Variants in TUBA8 observed in about 807,000 individuals in gnomAD.
The protein encoded by TUBA8 is tubulin alpha 8.
TUBA8 carries 29 observed loss-of-function variants against 34.7 expected under a neutral mutation model. That is an observed-to-expected ratio of 0.84 (90% confidence interval 0.62 to 1.14). The LOEUF (loss-of-function observed/expected upper bound fraction) is 1.14. Among genes scored for constraint, TUBA8 ranks in the 50% most tolerant of loss-of-function variants. TUBA8 has a pLI of 0.00. For synonymous variants in TUBA8, 226 were observed against 231.2 expected (o/e 0.98, Z 0.21); for missense variants, 541 against 599.2 (o/e 0.90, Z 1.01).
chr22:18,117,037 G>C (rs1341504086), intron 1 of TUBA8: 3 of 152,180 alleles, frequency 2.0e-5, no homozygotes, highest in African/African-American at 7.2e-5. Context: ...CAGGATAAGG[G>C]GGTTCTGGAG....
rs773102839 is a variant in TUBA8, at chr22:18,126,499, C to A, written c.521C>A (p.Ala174Asp). 1 of 1,613,968 alleles carries A rather than the reference C, an allele frequency of 6.2e-7. No individual in the cohort carries two copies. The highest frequency in any genetic ancestry group is 1.3e-5 in the African/African-American group (1 of 74,902). Reference protein sequence around the residue: ...KSKLEFAIYPAPQVSTAVVEP... With the variant: ...KSKLEFAIYPDPQVSTAVVEP... The stretch of plus-strand genomic sequence containing the variant: ...AAGCTGGAGTTTGCCATCTACCCAG[C>A]CCCCCAGGTCTCTACTGCAGTGGTG... The change falls in exon 4 of 5, where the codon GCC becomes GAC. Residue 174 changes from alanine to aspartate, a missense_variant. Transcript: ENST00000330423. The surrounding 1 kb of genome is among the most constrained non-coding windows in gnomAD (Gnocchi z 4.0).
intron 4 of TUBA8, chr22:18,128,312 C>G (rs1187888733): frequency 6.6e-6 from 1 of 152,146 alleles, no homozygotes; most frequent in Non-Finnish European, 1.5e-5. Flanking sequence ...ATGCCAGGCT[C>G]AGAGAGTCAG....
intron 1 of TUBA8, chr22:18,117,804 A>T (rs933050808): frequency 2.6e-5 from 4 of 151,180 alleles, no homozygotes; most frequent in South Asian, 2.1e-4. Flanking sequence ...GAAAGTAAAT[A>T]AAAAAAATTA....
In TUBA8 at chr22:18,118,471, G is replaced by T. The variant is rs1226563576; in HGVS notation, c.4-3008G>T. 1.3e-5 allele frequency: 2 copies of T among 152,192 alleles called. No homozygotes were observed. The highest frequency in any genetic ancestry group is 4.8e-5 in the African/African-American group (2 of 41,444). The allele number at this position is 152,192 out of a possible 1,614,324, so 9.4% of individuals were successfully genotyped here. A position where few individuals can be genotyped will look rare whatever the true frequency, so the allele number is the denominator to read the frequency against. ...ATCTTAGGCAGCAGGAGCCTCTTCA[G>T]GTGCTTGGGCAGCCCCTTGGTTAGC... On this transcript the variant is annotated intron_variant, in intron 1 of 4. Coordinates refer to ENST00000330423, the MANE Select transcript of TUBA8 (RefSeq NM_018943.3). This position sits in a 1 kb window ranked among gnomAD's most constrained non-coding sequence, Gnocchi z 4.0.
At chr22:18,123,794 T>G in intron 2 of TUBA8, 1 of 315,810 alleles carries the variant, frequency 3.2e-6, no homozygotes, top group South Asian at 3.0e-5. Flanking sequence ...AGGCTGGTCT[T>G]GAACTCCTAA....
chr22:18,130,050 C>T (rs924239488), intron 4 of TUBA8: 1 of 152,146 alleles, frequency 6.6e-6, no homozygotes, highest in African/African-American at 2.4e-5. Context: ...TCTAAGAAGC[C>T]CCAATTCCCA....
intron 4 of TUBA8, chr22:18,130,600 T>G: frequency 1.8e-6 from 1 of 568,442 alleles, no homozygotes. Context: ...ATTTTTTTTT[T>G]TTTTTTGGTA....
In TUBA8 at chr22:18,121,740, C is replaced by G. The variant is rs183437214; in HGVS notation, c.226+39C>G. Reference sequence around the variant, plus strand: ...GAGTTCCCCTCCACAGAGAACATCTCGAAACTGCAGAGGCATTGGCCCACA... The same window carrying G: ...GAGTTCCCCTCCACAGAGAACATCTGGAAACTGCAGAGGCATTGGCCCACA... On this transcript the variant is annotated intron_variant, in intron 2 of 4. Coordinates refer to ENST00000330423, the MANE Select transcript of TUBA8 (RefSeq NM_018943.3). This position sits in a 1 kb window ranked among gnomAD's most constrained non-coding sequence, Gnocchi z 4.8. 2.5e-6 allele frequency: 4 copies of G among 1,591,480 alleles called. No homozygotes were observed. The African/African-American group carries it at 4.0e-5, about 16-fold the overall frequency.
In TUBA8 at chr22:18,124,279, TG is replaced by T. The variant is rs747639699; in HGVS notation, c.352del (p.Val118CysfsTer8). The T allele has an allele frequency of 4.3e-6, 7 of 1,614,028 alleles. No individual in the cohort carries two copies. The highest frequency in any genetic ancestry group is 2.5e-6 in the Non-Finnish European group (3 of 1,179,982). On this transcript the variant is annotated frameshift_variant, in exon 3 of 5. Transcript: ENST00000330423. LOFTEE classifies it high-confidence loss of function. The surrounding 1 kb of genome is among the most constrained non-coding windows in gnomAD (Gnocchi z 4.3). ...HYTVGKESID[L>X]VLDRIRKLTD... ...ACGGTGGGCAAGGAGAGCATTGACC[TG>T]GTGCTGGACCGCATACGGAAGCTGG...
rs1602486404 is a variant in TUBA8, at chr22:18,111,288, C to T, written c.3+420C>T. 1 of 239,896 alleles carries T rather than the reference C, an allele frequency of 4.2e-6. No individual in the cohort carries two copies. The highest frequency in any genetic ancestry group is 9.4e-5 in the East Asian group (1 of 10,694). 14.9% of individuals were successfully genotyped at this position (239,896 alleles called of 1,614,324 possible). ...CCAGATGCAGTCACGTCTCCGAACC[C>T]AGCCTAATGTGACAGGGCCCGGAAT... is the stretch of plus-strand genomic sequence containing the variant. On this transcript the variant is annotated intron_variant, in intron 1 of 4. Transcript: ENST00000330423. The surrounding 1 kb of genome is among the most constrained non-coding windows in gnomAD (Gnocchi z 5.1).
Position 18,121,511 on chromosome 22 carries a change from G to C in TUBA8, c.36G>C (p.Ala12=). The change falls in exon 2 of 5, where the codon GCG becomes GCC. Residue 12 remains alanine (A), a synonymous_variant. Coordinates refer to ENST00000330423, the MANE Select transcript of TUBA8 (RefSeq NM_018943.3). This position sits in a 1 kb window ranked among gnomAD's most constrained non-coding sequence, Gnocchi z 4.8. The part of the protein sequence containing the change: ...RECISVHVGQ[A]GVQIGNACWE... ...GCATATCAGTCCACGTGGGCCAAGC[G>C]GGAGTTCAGATTGGCAATGCCTGCT... 1 of 1,614,152 alleles carries C rather than the reference G, an allele frequency of 6.2e-7. No homozygotes were observed. Among genetic ancestry groups the C allele is most frequent in the Non-Finnish European group, 8.5e-7 (1 of 1,180,018 alleles).
At chr22:18,127,645 G>C (rs1462127553) in intron 4 of TUBA8, 1 of 150,100 alleles carries the variant, frequency 6.7e-6, no homozygotes, top group South Asian at 2.1e-4. Context: ...CGCCCGCCTT[G>C]GCCTCCCAAA....
chr22:18,121,784 T>C lies in TUBA8; in HGVS notation c.226+83T>C, dbSNP rs1928159489. On this transcript the variant is annotated intron_variant, in intron 2 of 4. Coordinates refer to ENST00000330423, the MANE Select transcript of TUBA8 (RefSeq NM_018943.3). This position sits in a 1 kb window ranked among gnomAD's most constrained non-coding sequence, Gnocchi z 4.8. Reference sequence around the variant, plus strand: ...GCCCACAGTAGCTAAGGAAGCAGCGTCTCTAGCTGGAAGGTGGGGATGGTG... The same window carrying C: ...GCCCACAGTAGCTAAGGAAGCAGCGCCTCTAGCTGGAAGGTGGGGATGGTG... 8.0e-6 allele frequency: 11 copies of C among 1,382,262 alleles called. No individual in the cohort carries two copies. Among genetic ancestry groups the C allele is most frequent in the Non-Finnish European group, 1.0e-5 (10 of 991,492 alleles). 85.6% of individuals were successfully genotyped at this position (1,382,262 alleles called of 1,614,324 possible).
rs1470865689 is a variant in TUBA8 at position 18,131,705 on chromosome 22, CATAA to C, written c.*575_*578del. ...AACACATTTCCTGCCCTCATACACA[CATAA>C]ATAAAGTGAATGAGATCATGTCAGC... On this transcript the variant is annotated 3_prime_UTR_variant, in exon 5 of 5. Coordinates refer to ENST00000330423, the MANE Select transcript of TUBA8 (RefSeq NM_018943.3). The surrounding 1 kb of genome is among the most constrained non-coding windows in gnomAD (Gnocchi z 5.3). 1 of 166,744 alleles carries C rather than the reference CATAA, an allele frequency of 6.0e-6. No homozygotes were observed. The highest frequency in any genetic ancestry group is 2.4e-5 in the African/African-American group (1 of 41,638). 10.3% of individuals were successfully genotyped at this position (166,744 alleles called of 1,614,324 possible).
In TUBA8 at chr22:18,121,006, A is replaced by G. The variant is rs73376855; in HGVS notation, c.4-473A>G. 3.4e-3 allele frequency: 614 copies of G among 181,594 alleles called. 5 individuals carry two copies. Among genetic ancestry groups the G allele is most frequent in the African/African-American group, 0.013 (557 of 42,676 alleles). The allele number at this position is 181,594 out of a possible 1,614,324, so 11.2% of individuals were successfully genotyped here. On this transcript the variant is annotated intron_variant, in intron 1 of 4. Transcript: ENST00000330423. This position sits in a 1 kb window ranked among gnomAD's most constrained non-coding sequence, Gnocchi z 4.8. Reference sequence around the variant, plus strand: ...ACTTCCAGAGCATGTTCCTTTCATGAGTGCTCATTTGCTCTGTGATATCCT... The same window carrying G: ...ACTTCCAGAGCATGTTCCTTTCATGGGTGCTCATTTGCTCTGTGATATCCT...
chr22:18,127,341 G>A, intron 4 of TUBA8: 1 of 319,562 alleles, frequency 3.1e-6, no homozygotes. Flanking sequence ...CTCACCTGAA[G>A]TACAGTGCTT....
In TUBA8 at chr22:18,126,215, T is replaced by G; in HGVS notation, c.376-139T>G. The G allele has an allele frequency of 1.2e-6, 1 of 818,094 alleles. No individual in the cohort carries two copies. The highest frequency in any genetic ancestry group is 2.0e-6 in the Non-Finnish European group (1 of 495,434). 50.7% of individuals were successfully genotyped at this position (818,094 alleles called of 1,614,324 possible). A position where few individuals can be genotyped will look rare whatever the true frequency, so the allele number is the denominator to read the frequency against. On this transcript the variant is annotated intron_variant, in intron 3 of 4. Transcript: ENST00000330423. The surrounding 1 kb of genome is among the most constrained non-coding windows in gnomAD (Gnocchi z 4.0). ...AAAGATCAATACAACTCCTTTTGTTTCCTTACTTCTTCAAAGCTGTTTTGA... is the reference window on the plus strand; with the variant it reads ...AAAGATCAATACAACTCCTTTTGTTGCCTTACTTCTTCAAAGCTGTTTTGA...
At chr22:18,125,654 G>C (rs556162191) in intron 3 of TUBA8, 1 of 152,290 alleles carries the variant, frequency 6.6e-6, no homozygotes, top group Non-Finnish European at 1.5e-5. Context: ...TTGGTGCCCT[G>C]AGTCACCTTC....
intron 1 of TUBA8, chr22:18,116,939 C>G (rs1927994042): frequency 6.6e-6 from 1 of 152,230 alleles, no homozygotes; most frequent in African/African-American, 2.4e-5. Flanking sequence ...TTGAATTTCA[C>G]TTGTGATTTC....
Sources: gnomAD v4.1 joint callset for allele counts on GRCh38, gnomAD v4.1.1 for gene constraint, Gnocchi (gnomAD v3.1) non-coding constraint, MANE v1.5 for transcripts, NCBI Gene and HGNC (gene_info 2026-07-23, HGNC 2026-07-21) for gene names.